Variants in CCSER1 observed in about 807,000 individuals in gnomAD.
The protein encoded by CCSER1 is coiled-coil serine rich protein 1, also known as serine-rich coiled-coil domain-containing protein 1.
CCSER1 carries 41 observed loss-of-function variants against 82.0 expected under a neutral mutation model. That is an observed-to-expected ratio of 0.50 (90% confidence interval 0.39 to 0.65). The LOEUF (loss-of-function observed/expected upper bound fraction) is 0.65. CCSER1 is among the 30% of genes least tolerant of loss of function. The pLI is 0.00. For missense variants in CCSER1, 1,119 were observed against 1,064.2 expected (o/e 1.05, Z -0.72); for synonymous variants, 414 against 383.9 (o/e 1.08, Z -0.92).
At chr4:91,025,361 T>C (rs889136079) in intron 9 of CCSER1, among the ~76,000 whole-genome samples, 9 of 152,190 alleles carry the variant, frequency 5.9e-5, no homozygotes, top group Non-Finnish European at 1.3e-4. Context: ...ATCTTATATA[T>C]TCTTAGAAAT....
Position 90,502,190 on chromosome 4 carries a change from C to T in CCSER1, c.1724+33836C>T, listed in dbSNP as rs930574935. Among the ~76,000 whole-genome samples the T allele has an allele frequency of 5.9e-5, 9 of 152,136 alleles. No individual in the cohort carries two copies. The East Asian group carries it at 1.7e-3, about 29-fold the overall frequency. On this transcript the variant is annotated intron_variant, in intron 5 of 10. Coordinates refer to ENST00000509176, the MANE Select transcript of CCSER1 (RefSeq NM_001145065.2). The stretch of plus-strand genomic sequence containing the variant: ...AAGAGGTTTAGTTGACTCACAGTTT[C>T]ATAGGCTGTACAGGAATCATGGCTA...
At chr4:91,452,601 G>A (rs1755932287) in intron 10 of CCSER1, among the ~76,000 whole-genome samples, 1 of 151,968 alleles carries the variant, frequency 6.6e-6, no homozygotes. Context: ...GTAAATAACT[G>A]CACATTGTCT....
chr4:90,159,200 A>C (rs1185897095), intron 1 of CCSER1, among the ~76,000 whole-genome samples: 1 of 151,880 alleles, frequency 6.6e-6, no homozygotes, highest in Non-Finnish European at 1.5e-5. Flanking sequence ...TGACTGGTTA[A>C]TTTTATTATT....
intron 1 of CCSER1, among the ~76,000 whole-genome samples, chr4:90,271,552 G>T (rs1726277535): frequency 6.6e-6 from 1 of 151,704 alleles, no homozygotes; most frequent in African/African-American, 2.4e-5. Flanking sequence ...ATAAAACTTT[G>T]GGGAAACTCT....
intron 8 of CCSER1, among the ~76,000 whole-genome samples, chr4:90,911,961 T>G (rs1175134567): frequency 6.6e-6 from 1 of 152,026 alleles, no homozygotes; most frequent in Non-Finnish European, 1.5e-5. Flanking sequence ...GAAGCTTGAG[T>G]AGGTAAACAA....
intron 9 of CCSER1, among the ~76,000 whole-genome samples, chr4:90,990,664 T>C (rs937441585): frequency 2.0e-5 from 3 of 151,948 alleles, no homozygotes; most frequent in Admixed American, 6.6e-5. Flanking sequence ...AATCAGAATT[T>C]CTGACAGTAG....
intron 5 of CCSER1, among the ~76,000 whole-genome samples, chr4:90,583,140 A>G (rs1781601673): frequency 6.6e-6 from 1 of 152,106 alleles, no homozygotes; most frequent in South Asian, 2.1e-4. Context: ...ATTATATTAC[A>G]TTATTTCACA....
chr4:91,235,239 AATTCATATGG>A (rs1738914582), intron 10 of CCSER1, among the ~76,000 whole-genome samples: 1 of 152,114 alleles, frequency 6.6e-6, no homozygotes, highest in African/African-American at 2.4e-5. Flanking sequence ...ATACATAGCA[AATTCATATGG>A]ATTCATGAGA....
Position 90,302,031 on chromosome 4 carries a change from C to G in CCSER1, c.-41-6213C>G, listed in dbSNP as rs1044611498. Among the ~76,000 whole-genome samples the G allele has an allele frequency of 7.2e-5, 11 of 152,202 alleles. No individual in the cohort carries two copies. The East Asian group carries it at 2.1e-3, about 29-fold the overall frequency. On this transcript the variant is annotated intron_variant, in intron 1 of 10. Coordinates refer to ENST00000509176, the MANE Select transcript of CCSER1 (RefSeq NM_001145065.2). The stretch of plus-strand genomic sequence containing the variant: ...GAAGACTTTTAATAAATATGCATCT[C>G]TAAAAGTTGTAATTTAGCATAATTA...
chr4:90,751,868 A>G (rs1179353391), intron 7 of CCSER1, among the ~76,000 whole-genome samples: 2 of 152,128 alleles, frequency 1.3e-5, no homozygotes, highest in Non-Finnish European at 2.9e-5. Context: ...ATTAAAAAGT[A>G]TAGGATATAA....
At chr4:90,569,131 T>C (rs985534025) in intron 5 of CCSER1, among the ~76,000 whole-genome samples, 5 of 152,122 alleles carry the variant, frequency 3.3e-5, no homozygotes, top group African/African-American at 1.2e-4. Flanking sequence ...GTATCTACTA[T>C]AGGATTTTGC....
At chr4:91,097,053 A>T (rs2148840553) in intron 10 of CCSER1, among the ~76,000 whole-genome samples, 1 of 152,288 alleles carries the variant, frequency 6.6e-6, no homozygotes, top group Middle Eastern at 3.4e-3. Context: ...TCCAAGTGCC[A>T]GGTCCTTCCC....
intron 5 of CCSER1, among the ~76,000 whole-genome samples, chr4:90,470,707 A>AT (rs138621225): frequency 0.017 from 2,116 of 126,496 alleles, 33 homozygotes; most frequent in African/African-American, 0.053. Context: ...ATTGATTTTC[A>AT]TTTTCTCCAC....
intron 9 of CCSER1, among the ~76,000 whole-genome samples, chr4:91,024,914 T>C (rs1246483627): frequency 1.3e-5 from 2 of 152,220 alleles, no homozygotes; most frequent in East Asian, 3.9e-4. Context: ...TATATACATA[T>C]TAGTAATTCT....
intron 3 of CCSER1, among the ~76,000 whole-genome samples, chr4:90,384,182 G>A (rs1749654392): frequency 6.6e-6 from 1 of 151,716 alleles, no homozygotes; most frequent in Non-Finnish European, 1.5e-5. Flanking sequence ...GGGTACGTGT[G>A]CACAATGTGC....
At chr4:90,134,124 A>T (rs1723262036) in intron 1 of CCSER1, among the ~76,000 whole-genome samples, 1 of 152,310 alleles carries the variant, frequency 6.6e-6, no homozygotes, top group East Asian at 1.9e-4. Flanking sequence ...TCATTCTAAC[A>T]TTGTAAAGTT....
intron 10 of CCSER1, among the ~76,000 whole-genome samples, chr4:91,370,602 A>G (rs999478889): frequency 6.6e-6 from 1 of 152,004 alleles, no homozygotes; most frequent in African/African-American, 2.4e-5. Flanking sequence ...AGGCTGAGGC[A>G]GGAGAATTGC....
At chr4:90,692,078 A>G (rs1252954284) in intron 6 of CCSER1, among the ~76,000 whole-genome samples, 1 of 148,436 alleles carries the variant, frequency 6.7e-6, no homozygotes. Flanking sequence ...TATGATAAAT[A>G]CCAGACACAT....
intron 10 of CCSER1, among the ~76,000 whole-genome samples, chr4:91,466,833 C>T (rs1005108430): frequency 6.6e-6 from 1 of 152,070 alleles, no homozygotes; most frequent in African/African-American, 2.4e-5. Flanking sequence ...AACTACAAAC[C>T]ACTGCTCAAG....
Sources: allele counts gnomAD v4.1 joint callset (sites outside exome capture counted in the v4.1 genomes callset), GRCh38; gene constraint gnomAD v4.1.1; transcripts MANE v1.5; gene names NCBI Gene and HGNC (gene_info 2026-07-23, HGNC 2026-07-21).